TRAM2: variants seen among roughly 807,000 people sequenced by gnomAD.
The protein encoded by TRAM2 is translocation associated membrane protein 2.
Under a neutral mutation model 51.0 loss-of-function variants are expected in TRAM2, and 12 were observed. That is an observed-to-expected ratio of 0.24 (90% CI 0.15 to 0.38). TRAM2 has a LOEUF of 0.38. Ranked by LOEUF, TRAM2 falls within the 10% of genes least tolerant of loss-of-function variation. The pLI is 1.00. For synonymous variants in TRAM2, 175 were observed against 179.4 expected (o/e 0.98, Z 0.20); for missense variants, 361 against 462.0 (o/e 0.78, Z 2.00).
chr6:52,515,605 A>G (rs1340285333), intron 4 of TRAM2, among the ~76,000 whole-genome samples: 1 of 152,260 alleles, frequency 6.6e-6, no homozygotes, highest in African/African-American at 2.4e-5. Flanking sequence ...GCATACTGCA[A>G]AATTTGAGCT....
At chr6:52,520,582 A>C (rs1766654197) in intron 2 of TRAM2, among the ~76,000 whole-genome samples, 1 of 152,244 alleles carries the variant, frequency 6.6e-6, no homozygotes, top group African/African-American at 2.4e-5. Flanking sequence ...ATGGTTTTAA[A>C]ATTCTGCAAC....
chr6:52,523,131 T>A, intron 2 of TRAM2: 1 of 416,552 alleles, frequency 2.4e-6, no homozygotes, highest in Non-Finnish European at 4.2e-6. Flanking sequence ...TCCCTGCAAA[T>A]CTGGATTTGT....
intron 4 of TRAM2, among the ~76,000 whole-genome samples, chr6:52,510,542 T>C (rs1032352755): frequency 3.9e-5 from 6 of 152,212 alleles, no homozygotes; most frequent in African/African-American, 1.4e-4. Flanking sequence ...CCCAAGACCT[T>C]GTATAAGACC....
chr6:52,508,934 T>C (rs561161587), intron 5 of TRAM2, among the ~76,000 whole-genome samples: 5 of 152,284 alleles, frequency 3.3e-5, no homozygotes, highest in African/African-American at 1.2e-4. Context: ...CTTGGGAGGC[T>C]GAGGCAGGAG....
At chr6:52,562,251 ATG>A (rs1215915794) in intron 1 of TRAM2, among the ~76,000 whole-genome samples, 2 of 152,214 alleles carry the variant, frequency 1.3e-5, no homozygotes, top group Non-Finnish European at 2.9e-5. Context: ...GTTATGGAGT[ATG>A]ACGGGCTGCA....
chr6:52,566,853 C>T (rs1399150621), intron 1 of TRAM2, among the ~76,000 whole-genome samples: 4 of 152,216 alleles, frequency 2.6e-5, no homozygotes, highest in Admixed American at 2.6e-4. Flanking sequence ...CCCTCTAGTA[C>T]ACTACACTTA....
At chr6:52,544,136 G>C (rs181754537) in intron 1 of TRAM2, among the ~76,000 whole-genome samples, 11 of 152,136 alleles carry the variant, frequency 7.2e-5, no homozygotes, top group African/African-American at 2.7e-4. Context: ...AGCCATCTCC[G>C]GGGGCCATAA....
At chr6:52,519,680 T>C (rs1349011517) in intron 2 of TRAM2, among the ~76,000 whole-genome samples, 2 of 152,168 alleles carry the variant, frequency 1.3e-5, no homozygotes. Flanking sequence ...CAATAAAATA[T>C]TTGTACATCC....
At chr6:52,526,316 G>A (rs1039724250) in intron 2 of TRAM2, among the ~76,000 whole-genome samples, 1 of 152,144 alleles carries the variant, frequency 6.6e-6, no homozygotes, top group Non-Finnish European at 1.5e-5. Flanking sequence ...GGAAGATAAA[G>A]AAAGGATACT....
chr6:52,562,791 T>C (rs556999582), intron 1 of TRAM2, among the ~76,000 whole-genome samples: 30 of 152,198 alleles, frequency 2.0e-4, no homozygotes, highest in African/African-American at 5.8e-4. Flanking sequence ...CTCCAACTTA[T>C]GAGAACATGT....
At chr6:52,539,055 A>T (rs1767029662) in intron 1 of TRAM2, among the ~76,000 whole-genome samples, 1 of 152,210 alleles carries the variant, frequency 6.6e-6, no homozygotes, top group Admixed American at 6.5e-5. Flanking sequence ...CAGCGCCATA[A>T]CTCATGCCAG....
At chr6:52,550,616 A>G (rs922347073) in intron 1 of TRAM2, among the ~76,000 whole-genome samples, 4 of 152,030 alleles carry the variant, frequency 2.6e-5, no homozygotes, top group African/African-American at 9.7e-5. Flanking sequence ...CAGTGGCAAG[A>G]TCTTAGTTCA....
chr6:52,539,074 T>C (rs1262359976), intron 1 of TRAM2, among the ~76,000 whole-genome samples: 1 of 152,230 alleles, frequency 6.6e-6, no homozygotes, highest in Non-Finnish European at 1.5e-5. Context: ...AGAATAAAGC[T>C]TGTCTAACCA....
chr6:52,562,269 T>C (rs1450649074), intron 1 of TRAM2, among the ~76,000 whole-genome samples: 2 of 152,068 alleles, frequency 1.3e-5, no homozygotes, highest in Non-Finnish European at 2.9e-5. Flanking sequence ...CTGCACATGA[T>C]AAACTTGGGG....
intron 2 of TRAM2, among the ~76,000 whole-genome samples, chr6:52,531,816 T>G (rs1766897560): frequency 6.6e-6 from 1 of 152,192 alleles, no homozygotes; most frequent in Non-Finnish European, 1.5e-5. Flanking sequence ...CTGTTACAAC[T>G]ACAATTTAAT....
chr6:52,570,924 C>G (rs1767670129), intron 1 of TRAM2, among the ~76,000 whole-genome samples: 1 of 152,026 alleles, frequency 6.6e-6, no homozygotes, highest in African/African-American at 2.4e-5. Context: ...CAGCTGCGAC[C>G]AAGTTAGGTG....
In TRAM2 at chr6:52,509,599, A is replaced by G. The variant is rs1766417175; in HGVS notation, c.412-13T>C. ...TTAAGTATCCTTCCTGCAGTGGGCA[A>G]GAAGAGAGACCATTTAGAGATGTGG... On this transcript the variant is annotated splice_polypyrimidine_tract_variant and intron_variant, in intron 4 of 10. Coordinates refer to ENST00000182527, the MANE Select transcript of TRAM2 (RefSeq NM_012288.4). 1 of 1,613,700 alleles carries G rather than the reference A, an allele frequency of 6.2e-7. No homozygotes were observed. The highest frequency in any genetic ancestry group is 8.5e-7 in the Non-Finnish European group (1 of 1,179,802).
chr6:52,554,482 T>G (rs1421803338), intron 1 of TRAM2, among the ~76,000 whole-genome samples: 2 of 92,384 alleles, frequency 2.2e-5, no homozygotes, highest in African/African-American at 6.0e-5. Context: ...ATCATGTCAC[T>G]GCACTCCAGC....
intron 2 of TRAM2, among the ~76,000 whole-genome samples, chr6:52,521,832 T>A (rs1295722393): frequency 6.6e-6 from 1 of 152,200 alleles, no homozygotes; most frequent in Non-Finnish European, 1.5e-5. Context: ...CTGTCGTGCA[T>A]GAGCTCTCAA....
Sources: allele counts gnomAD v4.1 joint callset (sites outside exome capture counted in the v4.1 genomes callset), GRCh38; gene constraint gnomAD v4.1.1; transcripts MANE v1.5; gene names NCBI Gene and HGNC (gene_info 2026-07-23, HGNC 2026-07-21).